AGAP1: variants seen among roughly 807,000 people sequenced by gnomAD.
AGAP1 encodes the protein ArfGAP with GTPase domain, ankyrin repeat and PH domain 1.
A neutral mutation model predicts 105.3 loss-of-function variants in AGAP1; 29 were observed. The ratio of observed to expected loss-of-function variants is 0.28; its 90% confidence interval spans 0.21 to 0.38. AGAP1 has a LOEUF of 0.38. Ranked by LOEUF, AGAP1 falls within the 10% of genes least tolerant of loss-of-function variation. The pLI, the probability that AGAP1 is intolerant of heterozygous loss-of-function variation, is 1.00. For missense variants in AGAP1, 998 were observed against 1,165.1 expected, an observed-to-expected ratio of 0.86 and a Z score of 2.09; for synonymous variants, 509 against 485.9, an observed-to-expected ratio of 1.05 and a Z score of -0.63.
At chr2:235,985,088 A>G (rs1227669099) in intron 13 of AGAP1, among the ~76,000 whole-genome samples, 3 of 152,080 alleles carry the variant, frequency 2.0e-5, no homozygotes, top group Non-Finnish European at 4.4e-5. Context: ...AAGCATTCCT[A>G]TTTCTCCGTA....
chr2:235,683,323 A>G (rs1028515488), intron 1 of AGAP1, among the ~76,000 whole-genome samples: 1 of 152,158 alleles, frequency 6.6e-6, no homozygotes, highest in Non-Finnish European at 1.5e-5. Context: ...AACAAAAAAG[A>G]CAGAATTGGT....
intron 9 of AGAP1, among the ~76,000 whole-genome samples, chr2:235,862,053 C>T (rs924492108): frequency 6.6e-6 from 1 of 152,026 alleles, no homozygotes; most frequent in Non-Finnish European, 1.5e-5. Flanking sequence ...CTTGTACTAC[C>T]GGATGGCTTA....
At position 235,665,747 on chromosome 2, in the gene AGAP1, C is replaced by T. The variant is rs12470556; in HGVS notation, c.164-43432C>T. Among the ~76,000 whole-genome samples, 22,954 of 152,112 alleles carry T rather than the reference C, an allele frequency of 0.15. 2,255 individuals carry two copies. Among genetic ancestry groups the T allele is most frequent in the East Asian group, 0.3 (1,558 of 5,160 alleles). On this transcript the variant is annotated intron_variant, in intron 1 of 17. Coordinates refer to ENST00000304032, the MANE Select transcript of AGAP1 (RefSeq NM_001037131.3). The surrounding 1 kb of genome is among the most constrained non-coding windows in gnomAD (Gnocchi z 5.3). ...GCTCCCGGGGTGGGCATGCTCAGGCCTGGGCAGTACCAGTGGTTGGCCAGT... is the reference window on the plus strand; with the variant it reads ...GCTCCCGGGGTGGGCATGCTCAGGCTTGGGCAGTACCAGTGGTTGGCCAGT...
intron 13 of AGAP1, among the ~76,000 whole-genome samples, chr2:235,984,979 T>C (rs1025573547): frequency 2.0e-5 from 3 of 152,232 alleles, no homozygotes; most frequent in Non-Finnish European, 4.4e-5. Flanking sequence ...GTAATAGGAT[T>C]GCTGGGTCAA....
In AGAP1 at chr2:236,073,819, C is replaced by T. The variant is rs368917945; in HGVS notation, c.2114+24538C>T. 1.2e-4 allele frequency among the ~76,000 whole-genome samples: 19 copies of T among 152,270 alleles called. No homozygotes were observed. The South Asian group carries it at 1.9e-3, about 15-fold the overall frequency. On this transcript the variant is annotated intron_variant, in intron 16 of 17. Coordinates refer to ENST00000304032, the MANE Select transcript of AGAP1 (RefSeq NM_001037131.3). This position sits in a 1 kb window ranked among gnomAD's most constrained non-coding sequence, Gnocchi z 5.4. ...CCACCGTCTCCCGTGGCCTTCTCAACACACTTTAGAATCTGCAGGAGACCT... is the reference window on the plus strand; with the variant it reads ...CCACCGTCTCCCGTGGCCTTCTCAATACACTTTAGAATCTGCAGGAGACCT...
rs929814648 is a variant in AGAP1, at chr2:235,904,262, G to A, written c.1156-4476G>A. 3.9e-5 allele frequency among the ~76,000 whole-genome samples: 6 copies of A among 152,238 alleles called. No individual in the cohort carries two copies. The highest frequency in any genetic ancestry group is 5.9e-5 in the Non-Finnish European group (4 of 68,040). ...GGGATGGCAAAGGTGCCGGAGCAGG[G>A]TTGCAGGGGGACAGCGAGGCACAGT... On this transcript the variant is annotated intron_variant, in intron 10 of 17. Transcript: ENST00000304032. The surrounding 1 kb of genome is among the most constrained non-coding windows in gnomAD (Gnocchi z 4.2).
In AGAP1 at chr2:235,721,069, G is replaced by A. The variant is rs534945919; in HGVS notation, c.310+3425G>A. The stretch of plus-strand genomic sequence containing the variant: ...GTCACCCAGACTGGAGTGCAGTGGC[G>A]TGATCTCAGCTCACTCCAACCTCTG... On this transcript the variant is annotated intron_variant, in intron 3 of 17. Transcript: ENST00000304032. This position sits in a 1 kb window ranked among gnomAD's most constrained non-coding sequence, Gnocchi z 4.5. Among the ~76,000 whole-genome samples, 2 of 152,106 alleles carry A rather than the reference G, an allele frequency of 1.3e-5. No homozygotes were observed. Among genetic ancestry groups the A allele is most frequent in the African/African-American group, 2.4e-5 (1 of 41,412 alleles).
At chr2:236,048,298 G>T (rs1251939583) in intron 15 of AGAP1, among the ~76,000 whole-genome samples, 1 of 152,174 alleles carries the variant, frequency 6.6e-6, no homozygotes, top group Non-Finnish European at 1.5e-5. Context: ...CCAGTTCTGG[G>T]GTCCCAGTGC....
chr2:235,538,458 T>TGTGTGTGTGTGTGC (rs1559233079), intron 1 of AGAP1, among the ~76,000 whole-genome samples: 12 of 150,408 alleles, frequency 8.0e-5, no homozygotes, highest in Non-Finnish European at 1.5e-4. Context: ...TGTGTGTGTG[T>TGTGTGTGTGTGTGC]GTGCATGCTT....
chr2:235,558,408 T>C (rs566682205), intron 1 of AGAP1, among the ~76,000 whole-genome samples: 4 of 152,162 alleles, frequency 2.6e-5, no homozygotes, highest in Non-Finnish European at 5.9e-5. Context: ...ATGTGTATGA[T>C]TGATTCCAAG....
rs2054441161 is a variant in AGAP1, at chr2:235,967,285, C to G, written c.1484-1177C>G. ...AAGTCTTGATTCAGTGTCCCGTGCT[C>G]AGCGAGACCTACCCCAGCTACCCTA... On this transcript the variant is annotated intron_variant, in intron 12 of 17. Transcript: ENST00000304032. The surrounding 1 kb of genome is among the most constrained non-coding windows in gnomAD (Gnocchi z 4.7). Among the ~76,000 whole-genome samples the G allele has an allele frequency of 2.0e-5, 3 of 152,182 alleles. No individual in the cohort carries two copies. Among genetic ancestry groups the G allele is most frequent in the Admixed American group, 2.0e-4 (3 of 15,278 alleles).
chr2:235,500,538 T>C (rs1186325361), intron 1 of AGAP1, among the ~76,000 whole-genome samples: 3 of 152,214 alleles, frequency 2.0e-5, no homozygotes, highest in Non-Finnish European at 4.4e-5. Flanking sequence ...TTGCTGTGCT[T>C]GTAGCCAGCT....
At chr2:235,775,032 T>A (rs959847806) in intron 6 of AGAP1, among the ~76,000 whole-genome samples, 1 of 152,162 alleles carries the variant, frequency 6.6e-6, no homozygotes, top group African/African-American at 2.4e-5. Flanking sequence ...CTGGGAAAGT[T>A]TGAGAGAAAG....
intron 1 of AGAP1, among the ~76,000 whole-genome samples, chr2:235,565,532 A>G (rs1009647775): frequency 2.0e-5 from 3 of 152,230 alleles, no homozygotes; most frequent in Non-Finnish European, 4.4e-5. Context: ...GGAACTAACC[A>G]GGGATTCCTG....
At position 235,551,545 on chromosome 2, in the gene AGAP1, T is replaced by A. The variant is rs536249579; in HGVS notation, c.163+56696T>A. Among the ~76,000 whole-genome samples, 60 of 152,130 alleles carry A rather than the reference T, an allele frequency of 3.9e-4. No homozygotes were observed. Among genetic ancestry groups the A allele is most frequent in the Non-Finnish European group, 4.1e-4 (28 of 67,970 alleles). ...AACTCCTGGGCTCAAGGGATACACC[T>A]ACCTCAGCCTCCCAAAGTGCTGGGA... On this transcript the variant is annotated intron_variant, in intron 1 of 17. Coordinates refer to ENST00000304032, the MANE Select transcript of AGAP1 (RefSeq NM_001037131.3). This position sits in a 1 kb window ranked among gnomAD's most constrained non-coding sequence, Gnocchi z 4.8.
Position 235,625,281 on chromosome 2 carries a change from A to T in AGAP1, c.164-83898A>T, listed in dbSNP as rs147571537. On this transcript the variant is annotated intron_variant, in intron 1 of 17. Coordinates refer to ENST00000304032, the MANE Select transcript of AGAP1 (RefSeq NM_001037131.3). This position sits in a 1 kb window ranked among gnomAD's most constrained non-coding sequence, Gnocchi z 4.0. Reference sequence around the variant, plus strand: ...ACCCTACAGGTCACTCAGGCCTCCAACTCTGGGGTGATGCCTTTAGCAGCA... The same window carrying T: ...ACCCTACAGGTCACTCAGGCCTCCATCTCTGGGGTGATGCCTTTAGCAGCA... Among the ~76,000 whole-genome samples, 160 of 152,134 alleles carry T rather than the reference A, an allele frequency of 1.1e-3. No homozygotes were observed. Among genetic ancestry groups the T allele is most frequent in the Non-Finnish European group, 2.1e-3 (140 of 68,012 alleles).
chr2:235,521,149 T>C (rs10460276), intron 1 of AGAP1, among the ~76,000 whole-genome samples: 134,548 of 152,260 alleles, frequency 0.88, 59,735 homozygotes, highest in East Asian at 0.99. Context: ...ACCACCAGAA[T>C]GAGTTCAACG....
rs1375683178 is a variant in AGAP1, at chr2:235,799,326, G to C, written c.802-41G>C. On this transcript the variant is annotated intron_variant, in intron 7 of 17. Transcript: ENST00000304032. The surrounding 1 kb of genome is among the most constrained non-coding windows in gnomAD (Gnocchi z 5.0). ...GCCTAAGTGGAGGTCTTGGGTTCCT[G>C]AGTATGTCGTTAATGAAACCTTGGA... 3 of 1,600,190 alleles carry C rather than the reference G, an allele frequency of 1.9e-6. No homozygotes were observed. The highest frequency in any genetic ancestry group is 2.6e-6 in the Non-Finnish European group (3 of 1,172,128).
intron 1 of AGAP1, among the ~76,000 whole-genome samples, chr2:235,699,252 C>T (rs1950143845): frequency 6.6e-6 from 1 of 152,068 alleles, no homozygotes; most frequent in Non-Finnish European, 1.5e-5. Flanking sequence ...GGATGGGGGT[C>T]TAGGGCTTGG....
Sources: gnomAD v4.1 joint callset for allele counts (sites outside exome capture counted in the v4.1 genomes callset) on GRCh38, gnomAD v4.1.1 for gene constraint, Gnocchi (gnomAD v3.1) non-coding constraint, MANE v1.5 for transcripts, NCBI Gene and HGNC (gene_info 2026-07-23, HGNC 2026-07-21) for gene names.